CFAP58: variants seen among roughly 807,000 people sequenced by gnomAD.
CFAP58 encodes cilia and flagella associated protein 58, also known as cilia- and flagella-associated protein 58.
In CFAP58, 88 loss-of-function variants were observed where a neutral mutation model predicts 119.5. The observed-to-expected ratio is 0.74, with a 90% CI of 0.62 to 0.88. CFAP58 has a LOEUF of 0.88. Among genes scored for constraint, CFAP58 ranks in the 40% least tolerant of loss-of-function variants. The probability of loss-of-function intolerance (pLI) is 0.00; values close to 1 mark genes in which losing one functional copy is unlikely to be tolerated. For synonymous variants in CFAP58, 365 were observed against 366.3 expected (o/e 1.00, Z 0.04); for missense variants, 990 against 1,021.2 (o/e 0.97, Z 0.42).
chr10:104,397,526 G>A lies in CFAP58; in HGVS notation c.1675-1834G>A, dbSNP rs189462836. 1.8e-3 allele frequency among the ~76,000 whole-genome samples: 279 copies of A among 152,338 alleles called. 1 individual carries two copies. Among genetic ancestry groups the A allele is most frequent in the Non-Finnish European group, 1.7e-3 (114 of 68,044 alleles). On this transcript the variant is annotated intron_variant, in intron 11 of 17. Coordinates refer to ENST00000369704, the MANE Select transcript of CFAP58 (RefSeq NM_001008723.2). ...TTTTGGTTTTCATGGGGCAGAGACA[G>A]ACCGTAACTAAAGTTGGGTTGGTTC...
At chr10:104,438,336 T>TTTTTTG (rs2012969426) in intron 15 of CFAP58, among the ~76,000 whole-genome samples, 1 of 133,872 alleles carries the variant, frequency 7.5e-6, no homozygotes, top group African/African-American at 3.2e-5. Flanking sequence ...GTTTTTTTGT[T>TTTTTTG]TTTTGTTTTT....
At chr10:104,414,896 C>T (rs2012524482) in intron 15 of CFAP58, among the ~76,000 whole-genome samples, 1 of 152,038 alleles carries the variant, frequency 6.6e-6, no homozygotes, top group South Asian at 2.1e-4. Context: ...ATAAACTCTT[C>T]GAAAACAGAA....
intron 15 of CFAP58, among the ~76,000 whole-genome samples, chr10:104,413,384 G>A (rs1019690330): frequency 1.3e-5 from 2 of 152,128 alleles, no homozygotes; most frequent in African/African-American, 4.8e-5. Flanking sequence ...ACGTGAAAAT[G>A]GTTCTTGAGA....
chr10:104,355,063 C>T (rs764995449), intron 1 of CFAP58, among the ~76,000 whole-genome samples: 1 of 152,216 alleles, frequency 6.6e-6, no homozygotes, highest in Non-Finnish European at 1.5e-5. Context: ...TATCATCCAT[C>T]TTCCTCACGC....
At position 104,400,852 on chromosome 10, in the gene CFAP58, G is replaced by T; in HGVS notation, c.1988G>T (p.Arg663Leu). ...RILRLEIKKL[R>L]REKGILARSM... ...CTCAGACTTGAGATCAAGAAGCTTC[G>T]CCGGGAAAAGGGGATTCTTGCCAGG... Residue 663 changes from arginine to leucine, a missense_variant, in exon 13 of 18, where the codon CGC (arginine) becomes CTC (leucine). Transcript: ENST00000369704. 1.2e-6 allele frequency: 2 copies of T among 1,614,142 alleles called. No homozygotes were observed. Among genetic ancestry groups the T allele is most frequent in the Non-Finnish European group, 1.7e-6 (2 of 1,180,024 alleles).
intron 15 of CFAP58, among the ~76,000 whole-genome samples, chr10:104,417,030 GA>G (rs1464086849): frequency 6.6e-6 from 1 of 152,334 alleles, no homozygotes; most frequent in Admixed American, 6.5e-5. Context: ...AGAAATGCAG[GA>G]TCCCTGGACC....
intron 15 of CFAP58, among the ~76,000 whole-genome samples, chr10:104,444,590 A>G (rs1157023282): frequency 6.6e-6 from 1 of 152,234 alleles, no homozygotes; most frequent in Non-Finnish European, 1.5e-5. Context: ...TCCATCAAAC[A>G]TTTCATATTT....
At chr10:104,450,009 A>T (rs926442838) in intron 16 of CFAP58, 62 bp from the exon 17 acceptor site, 1 of 1,518,880 alleles carries the variant, frequency 6.6e-7, no homozygotes, top group Non-Finnish European at 8.9e-7. Flanking sequence ...GTAGCAGATT[A>T]AAAGATTTCT....
At chr10:104,399,524 T>C (rs767964835) in intron 12 of CFAP58, 24 bp downstream of exon 12, 5 of 1,609,616 alleles carry the variant, frequency 3.1e-6, no homozygotes, top group African/African-American at 1.3e-5. Context: ...TTGTCAGACT[T>C]GCAGACCTTG....
intron 11 of CFAP58, among the ~76,000 whole-genome samples, chr10:104,396,475 A>G (rs922394881): frequency 6.7e-6 from 1 of 150,162 alleles, no homozygotes; most frequent in Admixed American, 6.7e-5. Context: ...AGAGAGAGAG[A>G]GCCTAATTAT....
At chr10:104,365,698 A>G in intron 4 of CFAP58, 116 bp from the exon 5 acceptor site, 1 of 816,448 alleles carries the variant, frequency 1.2e-6, no homozygotes, top group South Asian at 2.1e-5. Flanking sequence ...GGGAAATGCT[A>G]CTGCAAAGTG....
At chr10:104,381,189 A>G (rs2133013810) in intron 9 of CFAP58, among the ~76,000 whole-genome samples, 1 of 151,988 alleles carries the variant, frequency 6.6e-6, no homozygotes, top group Admixed American at 6.5e-5. Flanking sequence ...AAACAAACAA[A>G]CACCACTGGA....
At chr10:104,397,774 C>A (rs1353866386) in intron 11 of CFAP58, among the ~76,000 whole-genome samples, 1 of 152,198 alleles carries the variant, frequency 6.6e-6, no homozygotes, top group African/African-American at 2.4e-5. Flanking sequence ...TCTTTTTGTT[C>A]TGACCTGGTC....
chr10:104,454,659 C>A lies in CFAP58; in HGVS notation c.*129C>A. The A allele has an allele frequency of 1.5e-6, 1 of 679,840 alleles. No individual in the cohort carries two copies. Among genetic ancestry groups the A allele is most frequent in the Non-Finnish European group, 2.6e-6 (1 of 382,192 alleles). The allele number at this position is 679,840 out of a possible 1,614,324, so 42.1% of individuals were successfully genotyped here. The stretch of plus-strand genomic sequence containing the variant: ...ATCCAGGATGGAAAGAAATGCAGAA[C>A]TATCATAGTCACATACATATAAGAG... On this transcript the variant is annotated 3_prime_UTR_variant, in exon 18 of 18. Coordinates refer to ENST00000369704, the MANE Select transcript of CFAP58 (RefSeq NM_001008723.2).
chr10:104,364,685 C>T (rs1364757873), intron 3 of CFAP58, 48 bp from the exon 4 acceptor site: 1 of 1,586,242 alleles, frequency 6.3e-7, no homozygotes, highest in Non-Finnish European at 8.6e-7. Flanking sequence ...ATGAAGGACC[C>T]CTGAGCAGAT....
At chr10:104,381,247 A>T (rs2011796278) in intron 9 of CFAP58, among the ~76,000 whole-genome samples, 1 of 152,210 alleles carries the variant, frequency 6.6e-6, no homozygotes, top group African/African-American at 2.4e-5. Context: ...TGCTTCTTAT[A>T]AACTGCTTAG....
intron 17 of CFAP58, among the ~76,000 whole-genome samples, chr10:104,453,335 G>A (rs1348692654): frequency 2.0e-5 from 3 of 152,182 alleles, no homozygotes; most frequent in Non-Finnish European, 4.4e-5. Flanking sequence ...AGATGGGTTG[G>A]TTACCAATCC....
rs147150579 is a variant in CFAP58 at position 104,436,746 on chromosome 10, A to G, written c.2257-10952A>G. 2.2e-3 allele frequency among the ~76,000 whole-genome samples: 334 copies of G among 152,292 alleles called. 1 individual carries two copies. Among genetic ancestry groups the G allele is most frequent in the African/African-American group, 7.8e-3 (324 of 41,562 alleles). On this transcript the variant is annotated intron_variant, in intron 15 of 17. Coordinates refer to ENST00000369704, the MANE Select transcript of CFAP58 (RefSeq NM_001008723.2). ...TGGGTCAGGGACAAATATCGAAACT[A>G]TATCAGCTTCTAACTGCCTATCATA...
At chr10:104,423,411 G>A (rs1274105695) in intron 15 of CFAP58, among the ~76,000 whole-genome samples, 1 of 152,082 alleles carries the variant, frequency 6.6e-6, no homozygotes, top group Non-Finnish European at 1.5e-5. Flanking sequence ...GTAAGGGAGT[G>A]TTTTAAAATA....
Sources: gnomAD v4.1 joint callset for allele counts (sites outside exome capture counted in the v4.1 genomes callset) on GRCh38, gnomAD v4.1.1 for gene constraint, MANE v1.5 for transcripts, NCBI Gene and HGNC (gene_info 2026-07-23, HGNC 2026-07-21) for gene names.